CHLSN: variants seen among roughly 807,000 people sequenced by gnomAD.
The protein encoded by CHLSN is cholesin.
the CHLSN span, among the ~76,000 whole-genome samples, chr7:1,085,144 G>A: frequency 2.0e-5 from 3 of 152,244 alleles, no homozygotes; most frequent in East Asian, 5.8e-4. Flanking sequence ...TACTTTGTGC[G>A]TGTTTTTCTC....
the CHLSN span, among the ~76,000 whole-genome samples, chr7:1,061,914 C>T: frequency 6.6e-6 from 1 of 151,808 alleles, no homozygotes; most frequent in Non-Finnish European, 1.5e-5. Context: ...CCCAACTCCC[C>T]AATTCTTCCA....
chr7:1,062,009 TCCC>T, the CHLSN span, among the ~76,000 whole-genome samples: 1 of 152,214 alleles, frequency 6.6e-6, no homozygotes, highest in Non-Finnish European at 1.5e-5. Flanking sequence ...TCTGCCCAAC[TCCC>T]CAATTCTTCC....
chr7:995,203 C>T, the CHLSN span, among the ~76,000 whole-genome samples: 8,016 of 152,302 alleles, frequency 0.053, 428 homozygotes, highest in East Asian at 0.19. Context: ...CTGACCTGCA[C>T]GGGGTAGGGA....
the CHLSN span, among the ~76,000 whole-genome samples, chr7:996,779 T>C: frequency 6.6e-6 from 1 of 152,208 alleles, no homozygotes; most frequent in Non-Finnish European, 1.5e-5. Flanking sequence ...GCGGCCTAAG[T>C]GTGTTTCCTG....
chr7:1,104,935 A>G, the CHLSN span, among the ~76,000 whole-genome samples: 1 of 152,232 alleles, frequency 6.6e-6, no homozygotes, highest in Non-Finnish European at 1.5e-5. Context: ...CCTTGAATAA[A>G]TGTGATGTTA....
chr7:1,095,281 A>ACC, the CHLSN span, among the ~76,000 whole-genome samples: 1 of 38,606 alleles, frequency 2.6e-5, no homozygotes, highest in Admixed American at 2.3e-4. Context: ...CCAAACCCCC[A>ACC]CCCCCCACAC....
At chr7:1,026,171 G>A in the CHLSN span, 1 of 152,478 alleles carries the variant, frequency 6.6e-6, no homozygotes, top group East Asian at 1.9e-4. Context: ...TGTATCCACA[G>A]GTAGGGCTGG....
chr7:1,017,733 T>G, the CHLSN span, among the ~76,000 whole-genome samples: 1 of 151,636 alleles, frequency 6.6e-6, no homozygotes, highest in South Asian at 2.1e-4. Context: ...GACGGCGGGA[T>G]AAGGGGCAGC....
the CHLSN span, among the ~76,000 whole-genome samples, chr7:1,130,822 C>T: frequency 0.014 from 2,090 of 152,278 alleles, 22 homozygotes; most frequent in Non-Finnish European, 0.022. Flanking sequence ...CCAGCCCGGA[C>T]GGCTCAGACA....
chr7:993,554 C>G, the CHLSN span, among the ~76,000 whole-genome samples: 1 of 152,090 alleles, frequency 6.6e-6, no homozygotes, highest in Admixed American at 6.5e-5. Flanking sequence ...GTGGGAGGAT[C>G]GCTTGAGCCC....
the CHLSN span, among the ~76,000 whole-genome samples, chr7:1,054,919 G>A: frequency 1.3e-5 from 2 of 152,236 alleles, no homozygotes; most frequent in African/African-American, 2.4e-5. Flanking sequence ...CCAGGCCTTC[G>A]CTCGACAGTA....
At chr7:1,013,076 G>T in the CHLSN span, among the ~76,000 whole-genome samples, 1 of 152,112 alleles carries the variant, frequency 6.6e-6, no homozygotes, top group Non-Finnish European at 1.5e-5. Context: ...TGGTGGGGCC[G>T]CCAGGATCGG....
At chr7:1,044,954 T>TGTCC in the CHLSN span, among the ~76,000 whole-genome samples, 1 of 152,370 alleles carries the variant, frequency 6.6e-6, no homozygotes, top group Non-Finnish European at 1.5e-5. Context: ...GGCTCTCCCA[T>TGTCC]GTCCGACAGG....
the CHLSN span, chr7:1,021,556 C>T: frequency 1.0e-6 from 1 of 985,328 alleles, no homozygotes; most frequent in Non-Finnish European, 1.2e-6. Context: ...AGGAGTAGGG[C>T]TTCAGCAGCT....
chr7:1,010,315 A>G, the CHLSN span, among the ~76,000 whole-genome samples: 1 of 152,170 alleles, frequency 6.6e-6, no homozygotes, highest in African/African-American at 2.4e-5. Flanking sequence ...GCTACGACGA[A>G]GAGACAGACA....
At chr7:1,091,510 G>T in the CHLSN span, 1 of 533,004 alleles carries the variant, frequency 1.9e-6, no homozygotes, top group Non-Finnish European at 3.3e-6. Context: ...CTCCACGGAT[G>T]CACCATGCCG....
chr7:1,091,037 A>G, the CHLSN span, among the ~76,000 whole-genome samples: 2 of 151,690 alleles, frequency 1.3e-5, no homozygotes, highest in African/African-American at 4.9e-5. Flanking sequence ...GCTGAAATGC[A>G]TTTTCCCCTC....
the CHLSN span, among the ~76,000 whole-genome samples, chr7:1,122,837 C>G: frequency 6.6e-6 from 1 of 152,196 alleles, no homozygotes; most frequent in African/African-American, 2.4e-5. Context: ...AGGAAAGGCC[C>G]AAGGCGCCAA....
the CHLSN span, among the ~76,000 whole-genome samples, chr7:1,035,828 C>T: frequency 6.6e-6 from 1 of 152,206 alleles, no homozygotes; most frequent in Admixed American, 6.5e-5. Flanking sequence ...TCACATGAAA[C>T]CTGCACACAG....
Sources: gnomAD v4.1 joint callset for allele counts (sites outside exome capture counted in the v4.1 genomes callset) on GRCh38, gnomAD v4.1.1 for gene constraint, MANE v1.5 for transcripts, NCBI Gene and HGNC (gene_info 2026-07-23, HGNC 2026-07-21) for gene names.